CCPG1: variants seen among roughly 807,000 people sequenced by gnomAD.
CCPG1 encodes the protein cell cycle progression protein 1.
A neutral mutation model predicts 81.3 loss-of-function variants in CCPG1; 46 were observed. The observed-to-expected ratio is 0.57, with a 90% CI of 0.45 to 0.72. The LOEUF is 0.72. Among genes scored for constraint, CCPG1 ranks in the 30% least tolerant of loss-of-function variants. The pLI is 0.00. For missense variants in CCPG1, 902 were observed against 937.6 expected, an observed-to-expected ratio of 0.96 and a Z score of 0.50; for synonymous variants, 330 against 305.2, an observed-to-expected ratio of 1.08 and a Z score of -0.85.
intron 1 of CCPG1, among the ~76,000 whole-genome samples, chr15:55,392,972 C>T (rs2056950688): frequency 6.6e-6 from 1 of 152,238 alleles, no homozygotes; most frequent in Admixed American, 6.5e-5. Context: ...GGCATGGTGG[C>T]AAGCACCTGT....
intron 6 of CCPG1, among the ~76,000 whole-genome samples, chr15:55,367,946 C>T (rs948788594): frequency 3.9e-5 from 6 of 152,094 alleles, no homozygotes; most frequent in African/African-American, 1.4e-4. Flanking sequence ...TTTTCCACAC[C>T]AGCAAAAAGT....
intron 2 of CCPG1, among the ~76,000 whole-genome samples, chr15:55,387,545 AT>A (rs541832616): frequency 2.6e-4 from 39 of 150,138 alleles, no homozygotes; most frequent in African/African-American, 4.6e-4. Context: ...AAATTTTTTA[AT>A]TTTTTTTTTC....
intron 3 of CCPG1, among the ~76,000 whole-genome samples, chr15:55,380,860 G>A (rs1005482368): frequency 1.6e-5 from 2 of 123,404 alleles, no homozygotes; most frequent in African/African-American, 4.3e-5. Context: ...TAAAATGGCC[G>A]GGCGCGGCGG....
At chr15:55,406,584 G>C (rs1438043801) in intron 1 of CCPG1, among the ~76,000 whole-genome samples, 3 of 151,178 alleles carry the variant, frequency 2.0e-5, no homozygotes, top group Non-Finnish European at 4.4e-5. Context: ...CTCCCAAGTA[G>C]CTGGGTTTAC....
rs755626591 is a variant in CCPG1, at chr15:55,365,228, G to A, written c.788C>T (p.Ser263Phe). 12 of 1,503,958 alleles carry A rather than the reference G, an allele frequency of 8.0e-6. No homozygotes were observed. The East Asian group carries it at 9.1e-5, about 11-fold the overall frequency. The allele number at this position is 1,503,958 out of a possible 1,614,324, so 93.2% of individuals were successfully genotyped here. A position where few individuals can be genotyped will look rare whatever the true frequency, so the allele number is the denominator to read the frequency against. The part of the protein sequence containing the change: ...DELNDMKDYL[S>F]QCQQEQESFI... ...AGATTCTTGTTCCTGTTGACACTGG[G>A]AAAGATAATCCTTCATATCATTCAA... The change falls in exon 7 of 9, where the codon TCC becomes TTC. Residue 263 changes from serine (S) to phenylalanine (F), a missense_variant. Coordinates refer to ENST00000442196, the MANE Select transcript of CCPG1 (RefSeq NM_001204450.2).
At chr15:55,399,978 C>T (rs2057095768) in intron 1 of CCPG1, 1 of 151,274 alleles carries the variant, frequency 6.6e-6, no homozygotes. Flanking sequence ...ACCTATAATC[C>T]CAGCACTTTG....
At chr15:55,396,306 A>T (rs772889219) in intron 1 of CCPG1, among the ~76,000 whole-genome samples, 1 of 152,234 alleles carries the variant, frequency 6.6e-6, no homozygotes, top group East Asian at 1.9e-4. Flanking sequence ...CAGGACAGTT[A>T]CAAAGGCTAA....
intron 3 of CCPG1, among the ~76,000 whole-genome samples, chr15:55,382,575 T>C (rs966928410): frequency 6.6e-6 from 1 of 151,058 alleles, no homozygotes; most frequent in Non-Finnish European, 1.5e-5. Context: ...AGTGGCGCGA[T>C]CTTGGCTCAC....
chr15:55,387,741 T>C (rs1419882498), intron 2 of CCPG1, among the ~76,000 whole-genome samples: 1 of 151,322 alleles, frequency 6.6e-6, no homozygotes, highest in African/African-American at 2.4e-5. Flanking sequence ...ACCGGGTTTC[T>C]TCCATGTTGG....
At chr15:55,365,342 C>T (rs1243971568) in intron 6 of CCPG1, 33 bp from the exon 7 acceptor site, 5 of 1,224,500 alleles carry the variant, frequency 4.1e-6, no homozygotes, top group South Asian at 1.4e-5. Flanking sequence ...AGGTATGTAA[C>T]AAAAATATTA....
chr15:55,392,329 A>C (rs1449369289), intron 1 of CCPG1, among the ~76,000 whole-genome samples: 1 of 150,092 alleles, frequency 6.7e-6, no homozygotes, highest in Non-Finnish European at 1.5e-5. Context: ...CTCCTGCCTC[A>C]GCCTCCCGAG....
At chr15:55,393,353 T>C (rs2056959705) in intron 1 of CCPG1, among the ~76,000 whole-genome samples, 1 of 152,002 alleles carries the variant, frequency 6.6e-6, no homozygotes. Flanking sequence ...GGCAGGAGGA[T>C]CATTTGAGCT....
At chr15:55,386,829 G>A (rs1280626029) in intron 2 of CCPG1, among the ~76,000 whole-genome samples, 1 of 151,898 alleles carries the variant, frequency 6.6e-6, no homozygotes, top group Non-Finnish European at 1.5e-5. Context: ...CCGATGGGGC[G>A]GAGCTTGCAG....
At chr15:55,396,879 G>A (rs34372408) in intron 1 of CCPG1, among the ~76,000 whole-genome samples, 35,504 of 152,008 alleles carry the variant, frequency 0.23, 5,269 homozygotes, top group Non-Finnish European at 0.34. Flanking sequence ...GGCCTGTGTG[G>A]ATCGCCTAGC....
chr15:55,374,443 AAG>A (rs2056518425), intron 5 of CCPG1, among the ~76,000 whole-genome samples: 1 of 152,158 alleles, frequency 6.6e-6, no homozygotes, highest in African/African-American at 2.4e-5. Context: ...TTTGTCAGGG[AAG>A]AGAGTTCATA....
At chr15:55,361,077 T>C in intron 7 of CCPG1, 133 bp from the exon 8 acceptor site, 1 of 936,380 alleles carries the variant, frequency 1.1e-6, no homozygotes, top group Non-Finnish European at 1.5e-6. Flanking sequence ...GGTAGTATTT[T>C]CAATAGTATA....
At chr15:55,398,627 G>A (rs2057067753) in intron 1 of CCPG1, among the ~76,000 whole-genome samples, 1 of 151,868 alleles carries the variant, frequency 6.6e-6, no homozygotes, top group Non-Finnish European at 1.5e-5. Context: ...CTGTCTCCAG[G>A]CTGGAGAGCA....
At position 55,360,190 on chromosome 15, in the gene CCPG1, G is replaced by A; in HGVS notation, c.1583C>T (p.Ser528Leu). ...AAAGTGTCTGAAAGTGGATTTAACT[G>A]AATCTGAGAATTTTTTCAGATTTTC... ...VKENLKKFSDSVKSTFRHFKD... is the reference protein window; with the variant it reads ...VKENLKKFSDLVKSTFRHFKD... Residue 528 changes from serine (S) to leucine (L), a missense_variant, in exon 8 of 9, where the codon TCA becomes TTA. By Grantham distance (145) the Ser-to-Leu change is moderately radical. Transcript: ENST00000442196. 6.2e-7 allele frequency: 1 copy of A among 1,613,104 alleles called. No homozygotes were observed. Among genetic ancestry groups the A allele is most frequent in the Non-Finnish European group, 8.5e-7 (1 of 1,179,762 alleles).
In CCPG1 at chr15:55,355,286, G is replaced by T; in HGVS notation, c.*934C>A. 6.2e-7 allele frequency: 1 copy of T among 1,602,474 alleles called. No individual in the cohort carries two copies. The highest frequency in any genetic ancestry group is 1.7e-5 in the Admixed American group (1 of 58,182). On this transcript the variant is annotated 3_prime_UTR_variant, in exon 9 of 9. Transcript: ENST00000442196. Reference sequence around the variant, plus strand: ...TACTTAAACATTTATTTGCTTCTAGGAAATAAGCGCTTTCCTAATTTCAAG... The same window carrying T: ...TACTTAAACATTTATTTGCTTCTAGTAAATAAGCGCTTTCCTAATTTCAAG...
Sources: allele counts gnomAD v4.1 joint callset (sites outside exome capture counted in the v4.1 genomes callset), GRCh38; gene constraint gnomAD v4.1.1; transcripts MANE v1.5; gene names NCBI Gene and HGNC (gene_info 2026-07-23, HGNC 2026-07-21).